Variants in TP63 observed in about 807,000 individuals in gnomAD.
TP63 encodes the protein tumor protein p63, also known as tumor protein 63.
Under a neutral mutation model 82.8 loss-of-function variants are expected in TP63, and 17 were observed. That is an observed-to-expected ratio of 0.21 (90% CI 0.14 to 0.31). The LOEUF (loss-of-function observed/expected upper bound fraction) is 0.31, where lower values mean the gene tolerates loss of function less well. Ranked by LOEUF, TP63 falls within the 10% of genes least tolerant of loss-of-function variation. TP63 has a pLI of 1.00. For synonymous variants in TP63, 330 were observed against 321.7 expected (o/e 1.03, Z -0.28); for missense variants, 648 against 895.3 (o/e 0.72, Z 3.52).
At chr3:189,749,184 T>G (rs1211463273) in intron 3 of TP63, among the ~76,000 whole-genome samples, 1 of 151,656 alleles carries the variant, frequency 6.6e-6, no homozygotes, top group Non-Finnish European at 1.5e-5. Flanking sequence ...CTATTTAAAC[T>G]AAAAATGGGG....
At chr3:189,831,242 T>C (rs897883342) in intron 4 of TP63, among the ~76,000 whole-genome samples, 6 of 152,218 alleles carry the variant, frequency 3.9e-5, no homozygotes, top group Non-Finnish European at 5.9e-5. Context: ...TTGAGGTTCC[T>C]TGGGTCCTGC....
chr3:189,790,345 G>A (rs1360135172), intron 3 of TP63, among the ~76,000 whole-genome samples: 2 of 152,010 alleles, frequency 1.3e-5, no homozygotes, highest in African/African-American at 2.4e-5. Flanking sequence ...TCAATCCAGA[G>A]ACCCACCTAA....
chr3:189,730,782 C>A (rs1206957918), intron 1 of TP63, among the ~76,000 whole-genome samples: 1 of 152,202 alleles, frequency 6.6e-6, no homozygotes, highest in East Asian at 1.9e-4. Flanking sequence ...CAACTGCTGA[C>A]ACCCTGTCAA....
intron 10 of TP63, among the ~76,000 whole-genome samples, chr3:189,874,282 G>C (rs1222978053): frequency 2.6e-5 from 4 of 152,174 alleles, no homozygotes; most frequent in Non-Finnish European, 5.9e-5. Context: ...ATGTTAGCCA[G>C]GCTGGTCGCG....
At chr3:189,652,875 T>G (rs1713014915) in intron 1 of TP63, among the ~76,000 whole-genome samples, 1 of 146,806 alleles carries the variant, frequency 6.8e-6, no homozygotes, top group African/African-American at 2.6e-5. Context: ...TGTCACCATG[T>G]GAAGAAAGAT....
At chr3:189,709,987 A>G (rs1332953998) in intron 1 of TP63, among the ~76,000 whole-genome samples, 1 of 152,220 alleles carries the variant, frequency 6.6e-6, no homozygotes, top group Non-Finnish European at 1.5e-5. Flanking sequence ...ATTTAAAGAC[A>G]CTGTAACCAT....
chr3:189,840,007 A>G (rs867372773), intron 4 of TP63, among the ~76,000 whole-genome samples: 2 of 152,220 alleles, frequency 1.3e-5, no homozygotes, highest in African/African-American at 2.4e-5. Context: ...TGGAATAACA[A>G]TGTCTACTTC....
chr3:189,746,513 G>T (rs576495686), intron 3 of TP63, among the ~76,000 whole-genome samples: 17 of 151,438 alleles, frequency 1.1e-4, no homozygotes, highest in Non-Finnish European at 2.2e-4. Context: ...ACAAAGAAAA[G>T]TCTCAAATGT....
intron 5 of TP63, among the ~76,000 whole-genome samples, chr3:189,865,419 T>C (rs1275100048): frequency 6.6e-6 from 1 of 151,968 alleles, no homozygotes; most frequent in Non-Finnish European, 1.5e-5. Context: ...ATGCCAAGAG[T>C]TCCCTTAGAT....
intron 1 of TP63, among the ~76,000 whole-genome samples, chr3:189,718,529 G>A (rs1379624553): frequency 1.3e-5 from 2 of 150,218 alleles, no homozygotes; most frequent in Non-Finnish European, 3.0e-5. Flanking sequence ...AACTGTCACC[G>A]TGATCCAATC....
intron 1 of TP63, among the ~76,000 whole-genome samples, chr3:189,736,280 C>G (rs1720589443): frequency 2.0e-5 from 3 of 151,692 alleles, no homozygotes; most frequent in Non-Finnish European, 2.9e-5. Context: ...TTCTTCTTAC[C>G]TCTCTGGCTT....
At chr3:189,802,215 A>T (rs912289998) in intron 3 of TP63, among the ~76,000 whole-genome samples, 2 of 152,182 alleles carry the variant, frequency 1.3e-5, no homozygotes, top group African/African-American at 4.8e-5. Context: ...CTAAAGCATA[A>T]TTGAATGAAT....
intron 1 of TP63, among the ~76,000 whole-genome samples, chr3:189,686,785 C>T (rs1716483619): frequency 6.8e-6 from 1 of 146,292 alleles, no homozygotes; most frequent in Non-Finnish European, 1.5e-5. Flanking sequence ...TGCTGGAGTG[C>T]AGTGGCACAA....
intron 1 of TP63, among the ~76,000 whole-genome samples, chr3:189,662,903 T>C (rs915892420): frequency 1.3e-5 from 2 of 152,100 alleles, no homozygotes; most frequent in Non-Finnish European, 2.9e-5. Flanking sequence ...TAATTATTTA[T>C]ATAAGATTAA....
At chr3:189,819,640 C>A (rs1189965095) in intron 4 of TP63, among the ~76,000 whole-genome samples, 1 of 151,438 alleles carries the variant, frequency 6.6e-6, no homozygotes, top group Non-Finnish European at 1.5e-5. Context: ...TAAGTCAAGT[C>A]TTTTACAAAT....
intron 4 of TP63, among the ~76,000 whole-genome samples, chr3:189,853,040 A>C (rs1468919056): frequency 6.6e-6 from 1 of 152,114 alleles, no homozygotes; most frequent in Non-Finnish European, 1.5e-5. Flanking sequence ...TACCTCTATG[A>C]AAATTGTCTT....
In TP63 at chr3:189,694,790, C is replaced by CTTTT. The variant is rs71175304; in HGVS notation, c.63-42920_63-42917dup. 1.3e-3 allele frequency among the ~76,000 whole-genome samples: 41 copies of CTTTT among 32,754 alleles called. 12 individuals are homozygous for CTTTT. The highest frequency in any genetic ancestry group is 2.8e-3 in the Admixed American group (4 of 1,408). 21.5% of individuals were successfully genotyped at this position (32,754 alleles called of 152,430 possible). ...TTGAAAGGAGGCCAGTATTTACAGC[C>CTTTT]TTTTTTTTTTTTTTTTTTTTTTTTT... On this transcript the variant is annotated intron_variant, in intron 1 of 13. Transcript: ENST00000264731.
chr3:189,682,724 A>G (rs1385446743), intron 1 of TP63, among the ~76,000 whole-genome samples: 1 of 151,926 alleles, frequency 6.6e-6, no homozygotes, highest in Non-Finnish European at 1.5e-5. Context: ...ATTTCTACTC[A>G]AAAGTAATAC....
intron 3 of TP63, among the ~76,000 whole-genome samples, chr3:189,749,428 A>G (rs536227694): frequency 6.6e-5 from 10 of 152,322 alleles, no homozygotes; most frequent in Middle Eastern, 3.4e-3. Flanking sequence ...AATGGCCAAT[A>G]ACTATATGAA....
Sources: allele counts gnomAD v4.1 joint callset (sites outside exome capture counted in the v4.1 genomes callset), GRCh38; gene constraint gnomAD v4.1.1; transcripts MANE v1.5; gene names NCBI Gene and HGNC (gene_info 2026-07-23, HGNC 2026-07-21).